EXT1: variants seen among roughly 807,000 people sequenced by gnomAD.
EXT1 encodes the protein exostosin glycosyltransferase 1, also known as exostosin-1.
In EXT1, 20 loss-of-function variants were observed where a neutral mutation model predicts 82.5. That is an observed-to-expected ratio of 0.24 (90% CI 0.17 to 0.35). EXT1 has a LOEUF of 0.35. EXT1 is among the 10% of genes least tolerant of loss of function. The pLI is 1.00. For synonymous variants in EXT1, 348 were observed against 350.8 expected, an observed-to-expected ratio of 0.99 and a Z score of 0.09; for missense variants, 757 against 936.5, an observed-to-expected ratio of 0.81 and a Z score of 2.50.
chr8:117,859,690 A>G (rs1812646311), intron 1 of EXT1, among the ~76,000 whole-genome samples: 1 of 152,198 alleles, frequency 6.6e-6, no homozygotes, highest in African/African-American at 2.4e-5. Flanking sequence ...GTTACTTTGG[A>G]AGCTTTTTGG....
At chr8:117,819,875 T>G in intron 5 of EXT1, 81 bp from the exon 6 acceptor site, 1 of 1,294,408 alleles carries the variant, frequency 7.7e-7, no homozygotes, top group Non-Finnish European at 1.1e-6. Flanking sequence ...CTCCGCTGCC[T>G]CATGCTGGAG....
intron 6 of EXT1, 112 bp downstream of exon 6, chr8:117,819,564 T>C (rs902863520): frequency 3.7e-5 from 31 of 842,372 alleles, no homozygotes; most frequent in Non-Finnish European, 6.3e-5. Flanking sequence ...GGGTATGATG[T>C]TAGAGAAGTC....
intron 1 of EXT1, among the ~76,000 whole-genome samples, chr8:117,916,546 T>C (rs549414356): frequency 6.6e-6 from 1 of 152,292 alleles, no homozygotes; most frequent in Non-Finnish European, 1.5e-5. Context: ...TAGAAGGCAT[T>C]AAAAAATGAC....
chr8:117,889,980 T>TTCTG (rs1813214792), intron 1 of EXT1, among the ~76,000 whole-genome samples: 1 of 152,198 alleles, frequency 6.6e-6, no homozygotes, highest in Non-Finnish European at 1.5e-5. Context: ...CAAAACCACT[T>TTCTG]AGAATAGCTT....
At chr8:117,834,018 C>A (rs1395348011) in intron 3 of EXT1, among the ~76,000 whole-genome samples, 1 of 152,186 alleles carries the variant, frequency 6.6e-6, no homozygotes, top group African/African-American at 2.4e-5. Flanking sequence ...AAACTCCAGA[C>A]CCCTTTCTCA....
At chr8:117,933,565 G>A (rs1428509217) in intron 1 of EXT1, among the ~76,000 whole-genome samples, 1 of 152,174 alleles carries the variant, frequency 6.6e-6, no homozygotes, top group Non-Finnish European at 1.5e-5. Context: ...AGTGATGAGA[G>A]CTATGGCAGA....
At position 117,968,553 on chromosome 8, in the gene EXT1, A is replaced by ATTTTTTT. The variant is rs1182180428; in HGVS notation, c.963-131359_963-131353dup. Reference sequence around the variant, plus strand: ...TATTTATTTATTTATTTATTTATTTATTTTTTTTTTTTTTTTTTTTTTTTT... The same window carrying ATTTTTTT: ...TATTTATTTATTTATTTATTTATTTATTTTTTTTTTTTTTTTTTTTTTTTTTTTTTTT... On this transcript the variant is annotated intron_variant, in intron 1 of 10. Transcript: ENST00000378204. Among the ~76,000 whole-genome samples the ATTTTTTT allele has an allele frequency of 2.6e-3, 24 of 9,270 alleles. 1 individual carries two copies. The highest frequency in any genetic ancestry group is 3.3e-3 in the Non-Finnish European group (22 of 6,744). The allele number at this position is 9,270 out of a possible 152,430, so 6.1% of individuals were successfully genotyped here.
chr8:117,982,961 C>A (rs1209917196), intron 1 of EXT1, among the ~76,000 whole-genome samples: 4 of 152,134 alleles, frequency 2.6e-5, no homozygotes, highest in Non-Finnish European at 4.4e-5. Flanking sequence ...AGATAAAAAA[C>A]CAATTTAAAT....
chr8:118,021,978 A>C (rs1816111046), intron 1 of EXT1, among the ~76,000 whole-genome samples: 1 of 152,104 alleles, frequency 6.6e-6, no homozygotes, highest in Non-Finnish European at 1.5e-5. Context: ...TTCAAATCCT[A>C]ATCTTTTTGC....
At chr8:117,918,130 A>G (rs146576220) in intron 1 of EXT1, among the ~76,000 whole-genome samples, 1,563 of 152,332 alleles carry the variant, frequency 0.01, 25 homozygotes, top group African/African-American at 0.033. Context: ...GAGATGCTGT[A>G]ACAAAAGAGA....
intron 1 of EXT1, among the ~76,000 whole-genome samples, chr8:117,995,032 G>T (rs553266196): frequency 6.6e-6 from 1 of 152,288 alleles, no homozygotes; most frequent in South Asian, 2.1e-4. Context: ...CCAGAGTCAC[G>T]AAGACAAACT....
At chr8:117,827,581 G>A (rs540865574) in intron 4 of EXT1, among the ~76,000 whole-genome samples, 10 of 151,972 alleles carry the variant, frequency 6.6e-5, no homozygotes, top group South Asian at 4.2e-4. Flanking sequence ...TTGGGAGGCC[G>A]AGGCAGGCAG....
rs35269566 is a variant in EXT1, at chr8:117,930,392, C to CA, written c.963-93192dup. 8.8e-3 allele frequency among the ~76,000 whole-genome samples: 1,288 copies of CA among 145,720 alleles called. 13 individuals carry two copies. The highest frequency in any genetic ancestry group is 0.021 in the Middle Eastern group (6 of 288). On this transcript the variant is annotated intron_variant, in intron 1 of 10. Coordinates refer to ENST00000378204, the MANE Select transcript of EXT1 (RefSeq NM_000127.3). The stretch of plus-strand genomic sequence containing the variant: ...CAAATTAATTACTTTATTCATATAT[C>CA]AAAAAAAAAAATAGGACATTTACAC...
intron 1 of EXT1, among the ~76,000 whole-genome samples, chr8:117,954,254 G>C (rs1814547095): frequency 6.6e-6 from 1 of 152,212 alleles, no homozygotes; most frequent in Non-Finnish European, 1.5e-5. Flanking sequence ...TATTCTGCCA[G>C]TGAATGATTT....
chr8:118,006,547 C>T (rs532176787), intron 1 of EXT1, among the ~76,000 whole-genome samples: 4 of 152,150 alleles, frequency 2.6e-5, no homozygotes, highest in Admixed American at 2.6e-4. Context: ...GGTCAAAAAT[C>T]GTAACAATAA....
chr8:118,056,037 A>G (rs13264371), intron 1 of EXT1, among the ~76,000 whole-genome samples: 57,519 of 152,038 alleles, frequency 0.38, 11,445 homozygotes, highest in Middle Eastern at 0.5. Flanking sequence ...TGGGCTACAC[A>G]TAAAATACAT....
chr8:117,978,245 G>C (rs890622178), intron 1 of EXT1, among the ~76,000 whole-genome samples: 14 of 152,140 alleles, frequency 9.2e-5, no homozygotes, highest in Non-Finnish European at 1.8e-4. Context: ...TGAATGTCTG[G>C]CAAACTTTTG....
intron 1 of EXT1, among the ~76,000 whole-genome samples, chr8:117,919,392 G>A (rs2130009100): frequency 6.6e-6 from 1 of 151,748 alleles, no homozygotes; most frequent in East Asian, 1.9e-4. Flanking sequence ...GTCTCCCTGT[G>A]TTGCCCAGGC....
chr8:117,878,414 A>G (rs1186191326), intron 1 of EXT1, among the ~76,000 whole-genome samples: 1 of 152,218 alleles, frequency 6.6e-6, no homozygotes, highest in Non-Finnish European at 1.5e-5. Context: ...AAAATAAATG[A>G]CATAGCACAT....
Sources: gnomAD v4.1 joint callset for allele counts (sites outside exome capture counted in the v4.1 genomes callset) on GRCh38, gnomAD v4.1.1 for gene constraint, MANE v1.5 for transcripts, NCBI Gene and HGNC (gene_info 2026-07-23, HGNC 2026-07-21) for gene names.